SPATA16: variants seen among roughly 807,000 people sequenced by gnomAD.
SPATA16 encodes the protein spermatogenesis-associated protein 16.
Under a neutral mutation model 63.3 loss-of-function variants are expected in SPATA16, and 36 were observed. That is an observed-to-expected ratio of 0.57 (90% CI 0.44 to 0.75). The LOEUF (loss-of-function observed/expected upper bound fraction) is 0.75. SPATA16 is among the 30% of genes least tolerant of loss of function. The pLI is 0.00. For synonymous variants in SPATA16, 203 were observed against 216.7 expected, an observed-to-expected ratio of 0.94 and a Z score of 0.56; for missense variants, 646 against 679.3, an observed-to-expected ratio of 0.95 and a Z score of 0.54.
At chr3:172,936,937 C>G (rs1422725082) in intron 6 of SPATA16, among the ~76,000 whole-genome samples, 1 of 152,148 alleles carries the variant, frequency 6.6e-6, no homozygotes, top group Non-Finnish European at 1.5e-5. Flanking sequence ...ACTCAAACTC[C>G]TGACCTCAAG....
intron 2 of SPATA16, among the ~76,000 whole-genome samples, chr3:173,060,635 CACTT>C (rs1421269871): frequency 2.6e-5 from 4 of 152,114 alleles, no homozygotes; most frequent in African/African-American, 7.2e-5. Context: ...GTCAATAAAA[CACTT>C]ACTATTGCCT....
intron 6 of SPATA16, among the ~76,000 whole-genome samples, chr3:172,946,109 G>T (rs1733278591): frequency 6.6e-6 from 1 of 152,188 alleles, no homozygotes. Context: ...ACCTGAGCTG[G>T]AAGGGAACCT....
At chr3:172,903,120 AG>A (rs1485836425) in intron 10 of SPATA16, among the ~76,000 whole-genome samples, 23 of 152,362 alleles carry the variant, frequency 1.5e-4, no homozygotes, top group African/African-American at 5.5e-4. Flanking sequence ...AGAATTATAA[AG>A]GATTGCAAAA....
At chr3:172,905,396 G>A (rs76897527) in intron 10 of SPATA16, among the ~76,000 whole-genome samples, 2,340 of 152,226 alleles carry the variant, frequency 0.015, 50 homozygotes, top group African/African-American at 0.053. Context: ...ATGAATGATA[G>A]TGCCATGTGT....
chr3:173,038,280 A>G (rs890812073), intron 3 of SPATA16, among the ~76,000 whole-genome samples: 2 of 152,054 alleles, frequency 1.3e-5, no homozygotes, highest in South Asian at 2.1e-4. Flanking sequence ...CTCCAAGCCA[A>G]GTGTCCCAGA....
chr3:172,918,821 A>G (rs781556184), intron 8 of SPATA16, among the ~76,000 whole-genome samples: 1 of 152,164 alleles, frequency 6.6e-6, no homozygotes, highest in African/African-American at 2.4e-5. Context: ...AATGAGGGCT[A>G]GGTGATAGCA....
chr3:173,104,786 C>A (rs1737580772), intron 2 of SPATA16, among the ~76,000 whole-genome samples: 1 of 152,138 alleles, frequency 6.6e-6, no homozygotes. Flanking sequence ...AGAGATTTCA[C>A]CCTGTCAATC....
chr3:172,961,840 T>C (rs1195703204), intron 5 of SPATA16, among the ~76,000 whole-genome samples: 1 of 152,132 alleles, frequency 6.6e-6, no homozygotes, highest in Admixed American at 6.5e-5. Flanking sequence ...TTACAATGAA[T>C]TGTGGCAGAA....
chr3:172,961,073 C>CTTTCTTCCTTT (rs1733767119), intron 5 of SPATA16, among the ~76,000 whole-genome samples: 2 of 87,340 alleles, frequency 2.3e-5, no homozygotes, highest in African/African-American at 8.3e-5. Flanking sequence ...CTTCTTTCTT[C>CTTTCTTCCTTT]CTTCCTTCCT....
intron 2 of SPATA16, among the ~76,000 whole-genome samples, chr3:173,112,146 AT>A (rs1404982154): frequency 3.9e-5 from 6 of 152,272 alleles, no homozygotes; most frequent in South Asian, 4.1e-4. Flanking sequence ...CACTTAAAAC[AT>A]TTTTTTATGG....
At chr3:173,002,654 C>T (rs1734851684) in intron 4 of SPATA16, among the ~76,000 whole-genome samples, 1 of 152,144 alleles carries the variant, frequency 6.6e-6, no homozygotes, top group Non-Finnish European at 1.5e-5. Flanking sequence ...GAGAGATTTG[C>T]TTTGCCAGAT....
chr3:172,913,551 A>C, intron 10 of SPATA16, 110 bp downstream of exon 10: 1 of 1,094,676 alleles, frequency 9.1e-7, no homozygotes. Flanking sequence ...GGAAAACAAA[A>C]AAACAAACCA....
intron 5 of SPATA16, among the ~76,000 whole-genome samples, chr3:172,959,678 A>G (rs1432805070): frequency 1.3e-5 from 2 of 151,998 alleles, no homozygotes; most frequent in Non-Finnish European, 2.9e-5. Context: ...ATCTTGAAAC[A>G]TCCTTTTGTG....
At chr3:173,131,193 A>G (rs1221521100) in intron 1 of SPATA16, among the ~76,000 whole-genome samples, 4 of 152,220 alleles carry the variant, frequency 2.6e-5, no homozygotes, top group African/African-American at 4.8e-5. Flanking sequence ...TAAAACAAAG[A>G]CATAGTTTAA....
intron 2 of SPATA16, among the ~76,000 whole-genome samples, chr3:173,053,126 C>T (rs1199941914): frequency 6.6e-6 from 1 of 152,178 alleles, no homozygotes; most frequent in Non-Finnish European, 1.5e-5. Flanking sequence ...GAGACCGAGG[C>T]AGGCGGATCA....
At chr3:173,006,018 A>T (rs1240098660) in intron 4 of SPATA16, among the ~76,000 whole-genome samples, 1 of 152,208 alleles carries the variant, frequency 6.6e-6, no homozygotes, top group Non-Finnish European at 1.5e-5. Context: ...TTTAACCTTC[A>T]TCTATTTTCT....
chr3:173,094,045 T>G (rs1737289757), intron 2 of SPATA16, among the ~76,000 whole-genome samples: 1 of 120,488 alleles, frequency 8.3e-6, no homozygotes, highest in Non-Finnish European at 1.9e-5. Flanking sequence ...TCCTTTTTCT[T>G]TTTTTTTTTT....
Position 173,102,897 on chromosome 3 carries a change from A to G in SPATA16, c.612+14223T>C, listed in dbSNP as rs567026951. Among the ~76,000 whole-genome samples the G allele has an allele frequency of 2.0e-5, 3 of 152,340 alleles. No individual in the cohort carries two copies. The East Asian group carries it at 5.8e-4, about 29-fold the overall frequency. ...GTTCCTTCCAATATGAGCCTGTAAA[A>G]TATAAACAAGTTATTTACTCCCAAG... On this transcript the variant is annotated intron_variant, in intron 2 of 10. Coordinates refer to ENST00000351008, the MANE Select transcript of SPATA16 (RefSeq NM_031955.6).
intron 4 of SPATA16, among the ~76,000 whole-genome samples, chr3:173,018,005 A>G (rs1735231699): frequency 6.6e-6 from 1 of 152,244 alleles, no homozygotes; most frequent in Non-Finnish European, 1.5e-5. Context: ...AAAAAGTAGG[A>G]AGAAGTAATG....
Sources: allele counts gnomAD v4.1 joint callset (sites outside exome capture counted in the v4.1 genomes callset), GRCh38; gene constraint gnomAD v4.1.1; transcripts MANE v1.5; gene names NCBI Gene and HGNC (gene_info 2026-07-23, HGNC 2026-07-21).